HIP1: variants seen among roughly 807,000 people sequenced by gnomAD.
HIP1 encodes the protein huntingtin interacting protein 1, also known as huntingtin-interacting protein 1.
Under a neutral mutation model 147.6 loss-of-function variants are expected in HIP1, and 65 were observed. The ratio of observed to expected loss-of-function variants is 0.44; its 90% CI spans 0.36 to 0.54. HIP1 has a LOEUF of 0.54. Ranked by LOEUF, HIP1 falls within the 20% of genes least tolerant of loss-of-function variation. The pLI, the probability that HIP1 is intolerant of heterozygous loss-of-function variation, is 0.00. For synonymous variants in HIP1, 479 were observed against 504.0 expected (o/e 0.95, Z 0.67); for missense variants, 1,061 against 1,299.6 (o/e 0.82, Z 2.82).
At chr7:75,725,151 G>A (rs782536493) in intron 1 of HIP1, among the ~76,000 whole-genome samples, 32 of 151,962 alleles carry the variant, frequency 2.1e-4, no homozygotes, top group Non-Finnish European at 4.6e-4. Flanking sequence ...AGCCTTCCTA[G>A]TAGCTGGGAA....
chr7:75,573,297 G>A (rs1441205172), intron 8 of HIP1, among the ~76,000 whole-genome samples: 1 of 152,180 alleles, frequency 6.6e-6, no homozygotes, highest in African/African-American at 2.4e-5. Flanking sequence ...CCCACTCCAT[G>A]GCCTCTTTTC....
chr7:75,654,269 C>A (rs1799080670), intron 1 of HIP1: 1 of 152,378 alleles, frequency 6.6e-6, no homozygotes, highest in Non-Finnish European at 1.5e-5. Flanking sequence ...GTGGCGCACG[C>A]CTGTAGTCCC....
chr7:75,682,783 G>C (rs2117275228), intron 1 of HIP1, among the ~76,000 whole-genome samples: 1 of 152,240 alleles, frequency 6.6e-6, no homozygotes, highest in East Asian at 1.9e-4. Flanking sequence ...AGAAACAGGA[G>C]CAAGCTATTC....
intron 1 of HIP1, among the ~76,000 whole-genome samples, chr7:75,630,029 G>A (rs1798161824): frequency 6.6e-6 from 1 of 152,142 alleles, no homozygotes; most frequent in African/African-American, 2.4e-5. Context: ...ATGGTGGCAT[G>A]CACCTGTAGT....
rs371609018 is a variant in HIP1 at position 75,691,540 on chromosome 7, T to G, written c.120+47261A>C. On this transcript the variant is annotated intron_variant, in intron 1 of 30. Transcript: ENST00000336926. ...AGGGCCGGGCGCGGTGGCTCATGCCTGTAATCCCAGCACTTTGGGAGGCTG... is the reference window on the plus strand; with the variant it reads ...AGGGCCGGGCGCGGTGGCTCATGCCGGTAATCCCAGCACTTTGGGAGGCTG... Among the ~76,000 whole-genome samples, 28 of 152,078 alleles carry G rather than the reference T, an allele frequency of 1.8e-4. No homozygotes were observed. The East Asian group carries it at 4.5e-3, about 24-fold the overall frequency.
intron 7 of HIP1, among the ~76,000 whole-genome samples, chr7:75,576,703 C>T (rs1158143398): frequency 4.6e-5 from 7 of 151,922 alleles, no homozygotes; most frequent in African/African-American, 1.5e-4. Context: ...AGCAAGGCTC[C>T]GTTTCAGAGA....
At chr7:75,618,552 GC>G (rs1315987225) in intron 1 of HIP1, among the ~76,000 whole-genome samples, 2 of 152,040 alleles carry the variant, frequency 1.3e-5, no homozygotes, top group Admixed American at 6.6e-5. Context: ...CTCCCAAAGT[GC>G]CGGGATTACA....
Position 75,612,058 on chromosome 7 carries a change from G to A in HIP1, c.121-12811C>T, listed in dbSNP as rs587654292. Reference sequence around the variant, plus strand: ...ACACACAGCTCTTGGCAGAAGCCCAGCCCTCGGGCTGCCAAGGCCAGGCTG... The same window carrying A: ...ACACACAGCTCTTGGCAGAAGCCCAACCCTCGGGCTGCCAAGGCCAGGCTG... On this transcript the variant is annotated intron_variant, in intron 1 of 30. Transcript: ENST00000336926. 2.6e-5 allele frequency among the ~76,000 whole-genome samples: 4 copies of A among 152,344 alleles called. No homozygotes were observed. The South Asian group carries it at 8.3e-4, about 32-fold the overall frequency.
chr7:75,604,994 T>C (rs1554503626), intron 1 of HIP1, among the ~76,000 whole-genome samples: 1 of 152,186 alleles, frequency 6.6e-6, no homozygotes, highest in Non-Finnish European at 1.5e-5. Context: ...TTCTGTGCTG[T>C]AGTGTTGAAA....
chr7:75,563,081 G>T lies in HIP1; in HGVS notation c.880-6C>A. 6.2e-7 allele frequency: 1 copy of T among 1,614,182 alleles called. No individual in the cohort carries two copies. The highest frequency in any genetic ancestry group is 8.5e-7 in the Non-Finnish European group (1 of 1,180,030). ...CGCAGGAAGTTGGGTGGGTTCTGAA[G>T]ACGGAGACACATCCTCAAATAGTGC... On this transcript the variant is annotated splice_polypyrimidine_tract_variant and splice_region_variant and intron_variant, in intron 10 of 30. Coordinates refer to ENST00000336926, the MANE Select transcript of HIP1 (RefSeq NM_005338.7).
intron 1 of HIP1, among the ~76,000 whole-genome samples, chr7:75,688,474 CG>C (rs1444123152): frequency 6.6e-6 from 1 of 151,954 alleles, no homozygotes; most frequent in African/African-American, 2.4e-5. Flanking sequence ...GGGTGGGGGA[CG>C]GGCAGGCAGC....
intron 1 of HIP1, among the ~76,000 whole-genome samples, chr7:75,622,064 T>C (rs1554507208): frequency 6.6e-6 from 1 of 151,368 alleles, no homozygotes; most frequent in Non-Finnish European, 1.5e-5. Flanking sequence ...TGGGCAGACC[T>C]CTTGAGGCCA....
intron 22 of HIP1, among the ~76,000 whole-genome samples, chr7:75,550,123 G>A (rs1423804213): frequency 1.3e-5 from 2 of 152,128 alleles, no homozygotes; most frequent in Non-Finnish European, 2.9e-5. Flanking sequence ...GGTAACAAAT[G>A]GCAGGGCAGG....
chr7:75,594,070 T>C (rs1796598329), intron 2 of HIP1, among the ~76,000 whole-genome samples: 1 of 151,522 alleles, frequency 6.6e-6, no homozygotes, highest in Admixed American at 6.6e-5. Context: ...TCACCTGAGG[T>C]CAGAGTTTGA....
intron 1 of HIP1, among the ~76,000 whole-genome samples, chr7:75,666,131 A>AT (rs1167046356): frequency 9.3e-5 from 14 of 151,348 alleles, no homozygotes; most frequent in African/African-American, 2.4e-4. Context: ...TGTATGGTAG[A>AT]TTTTTTTTTA....
chr7:75,577,315 G>C (rs1034909205), intron 7 of HIP1, among the ~76,000 whole-genome samples: 1 of 125,608 alleles, frequency 8.0e-6, no homozygotes, highest in South Asian at 2.7e-4. Context: ...CTCGGCGACA[G>C]AGTGAGATCC....
At chr7:75,579,265 G>A (rs1554498188) in intron 7 of HIP1, among the ~76,000 whole-genome samples, 3 of 151,972 alleles carry the variant, frequency 2.0e-5, no homozygotes, top group African/African-American at 4.8e-5. Context: ...CTTCCTAGTC[G>A]GCTGAATGTC....
chr7:75,683,983 G>T (rs1157315227), intron 1 of HIP1, among the ~76,000 whole-genome samples: 1 of 150,954 alleles, frequency 6.6e-6, no homozygotes. Flanking sequence ...GTAGTTCTCT[G>T]AAGTGTATTC....
rs1199863019 is a variant in HIP1 at position 75,572,844 on chromosome 7, C to T, written c.745+917G>A. On this transcript the variant is annotated intron_variant, in intron 8 of 30. Coordinates refer to ENST00000336926, the MANE Select transcript of HIP1 (RefSeq NM_005338.7). ...GCAGCCCTGCTGCCCCGCACCCGCC[C>T]CCAGCCCCAGCTGCAGACTCAGGCA... 2.6e-5 allele frequency among the ~76,000 whole-genome samples: 4 copies of T among 152,184 alleles called. No individual in the cohort carries two copies. In the East Asian group the frequency reaches 7.7e-4, roughly 29 times the overall value.
Sources: allele counts gnomAD v4.1 joint callset (sites outside exome capture counted in the v4.1 genomes callset), GRCh38; gene constraint gnomAD v4.1.1; transcripts MANE v1.5; gene names NCBI Gene and HGNC (gene_info 2026-07-23, HGNC 2026-07-21).